DNAH5: variants seen among roughly 807,000 people sequenced by gnomAD.
DNAH5 encodes axonemal beta dynein heavy chain 5.
In DNAH5, 372 loss-of-function variants were observed where a neutral mutation model predicts 518.2. The observed-to-expected ratio is 0.72, with a 90% CI of 0.66 to 0.78. DNAH5 has a LOEUF of 0.78. DNAH5 is among the 30% of genes least tolerant of loss of function. The pLI is 0.00. For synonymous variants in DNAH5, 2,039 were observed against 2,025.9 expected (o/e 1.01, Z -0.17); for missense variants, 5,523 against 5,687.0 (o/e 0.97, Z 0.93).
intron 65 of DNAH5, among the ~76,000 whole-genome samples, chr5:13,744,274 T>TA (rs201565911): frequency 4.2e-4 from 62 of 148,264 alleles, no homozygotes; most frequent in Middle Eastern, 3.5e-3. Context: ...ATATGTAAGC[T>TA]AAAAAAAAAA....
intron 65 of DNAH5, among the ~76,000 whole-genome samples, chr5:13,740,876 C>T (rs774126446): frequency 7.9e-5 from 12 of 152,270 alleles, no homozygotes; most frequent in South Asian, 6.2e-4. Flanking sequence ...CCTTTTATGG[C>T]ATTTACCACC....
intron 3 of DNAH5, among the ~76,000 whole-genome samples, chr5:13,927,376 C>T (rs889913818): frequency 6.6e-6 from 1 of 152,086 alleles, no homozygotes; most frequent in African/African-American, 2.4e-5. Flanking sequence ...CCTGTAGTCC[C>T]AGCTACAGGC....
Position 13,817,612 on chromosome 5 carries a change from G to T in DNAH5, c.6924C>A (p.Ala2308=). ...APQMFGRLDV[A]TNDWTDGIFS... ...ATATCCCATCAGTCCAGTCATTTGT[G>T]GCAACGTCCAGCCGACCAAACATCT... The change falls in exon 42 of 79, where the codon GCC becomes GCA. Residue 2308 remains alanine (A), a synonymous_variant. Coordinates refer to ENST00000265104, the MANE Select transcript of DNAH5 (RefSeq NM_001369.3). The T allele has an allele frequency of 6.2e-7, 1 of 1,614,136 alleles. No individual in the cohort carries two copies.
intron 78 of DNAH5, among the ~76,000 whole-genome samples, chr5:13,694,673 T>C (rs1741129616): frequency 6.6e-6 from 1 of 152,222 alleles, no homozygotes; most frequent in African/African-American, 2.4e-5. Flanking sequence ...ATACATTCCA[T>C]ATATTCCTTC....
chr5:13,917,847 T>C (rs971310563), intron 7 of DNAH5, among the ~76,000 whole-genome samples: 18 of 152,218 alleles, frequency 1.2e-4, no homozygotes, highest in Admixed American at 1.1e-3. Context: ...TGCTATTTCT[T>C]TGAGGAATAA....
chr5:13,827,860 G>A (rs2053684), intron 38 of DNAH5, among the ~76,000 whole-genome samples: 19 of 152,124 alleles, frequency 1.2e-4, no homozygotes, highest in African/African-American at 2.2e-4. Flanking sequence ...GAGATCTGAC[G>A]GTTTTATAAG....
Position 13,839,510 on chromosome 5 carries a change from T to C in DNAH5, c.5728A>G (p.Ser1910Gly). The C allele has an allele frequency of 6.2e-7, 1 of 1,613,944 alleles. No individual in the cohort carries two copies. Among genetic ancestry groups the C allele is most frequent in the Non-Finnish European group, 8.5e-7 (1 of 1,179,884 alleles). ...TTCAGCCACTCAAAGTCCATGGGAC[T>C]CTTGATATGCATATGACACTGAAAT... ...FDDLCHMHIK[S>G]PMDFEWLKQC... Residue 1910 changes from serine to glycine, a missense_variant, in exon 35 of 79, where the codon AGT (serine) becomes GGT (glycine). Ser to Gly is a moderately conservative substitution (Grantham distance 56). Transcript: ENST00000265104.
At chr5:13,719,185 T>C in intron 71 of DNAH5, 84 bp from the exon 72 acceptor site, 2 of 1,101,872 alleles carry the variant, frequency 1.8e-6, no homozygotes, top group Non-Finnish European at 2.7e-6. Context: ...AATTAAGTAA[T>C]TAAAATTTAA....
chr5:13,893,038 T>A (rs1043024554), intron 16 of DNAH5, among the ~76,000 whole-genome samples: 8 of 152,132 alleles, frequency 5.3e-5, no homozygotes, highest in Non-Finnish European at 8.8e-5. Flanking sequence ...CTCACTCTAC[T>A]CCCCTCCAAC....
intron 1 of DNAH5, among the ~76,000 whole-genome samples, chr5:13,960,010 C>T (rs773482999): frequency 2.1e-4 from 32 of 151,844 alleles, no homozygotes; most frequent in Admixed American, 6.6e-4. Flanking sequence ...GAAAAACACC[C>T]CCAGAACTGG....
rs772513153 is a variant in DNAH5 at position 13,811,663 on chromosome 5, C to T, written c.7391G>A (p.Gly2464Asp). The change falls in exon 44 of 79, where the codon GGC (glycine) becomes GAC (aspartate). Residue 2464 changes from glycine to aspartate, a missense_variant. This residue lies in a region of DNAH5 where 5,121 missense variants were observed against 5,223.3 expected (regional missense o/e 0.98). Coordinates refer to ENST00000265104, the MANE Select transcript of DNAH5 (RefSeq NM_001369.3). Reference protein sequence around the residue: ...VITQSINMLQGLIPLKEQGGE... With the variant: ...VITQSINMLQDLIPLKEQGGE... Reference sequence around the variant, plus strand: ...GCAATTTACCTTCAGAGGAATCAGGCCTTGAAGCATGTTAATGCTCTGTGT... The same window carrying T: ...GCAATTTACCTTCAGAGGAATCAGGTCTTGAAGCATGTTAATGCTCTGTGT... 1.2e-6 allele frequency: 2 copies of T among 1,614,102 alleles called. No homozygotes were observed. Among genetic ancestry groups the T allele is most frequent in the South Asian group, 2.2e-5 (2 of 91,072 alleles).
intron 47 of DNAH5, among the ~76,000 whole-genome samples, chr5:13,803,912 T>C (rs1361463377): frequency 6.6e-6 from 1 of 152,222 alleles, no homozygotes. Context: ...CTAGGAGTCT[T>C]ATTTTTTAAA....
At chr5:13,735,540 G>A (rs562536132) in intron 67 of DNAH5, among the ~76,000 whole-genome samples, 2 of 152,210 alleles carry the variant, frequency 1.3e-5, no homozygotes, top group East Asian at 3.9e-4. Context: ...TACCTGCAGG[G>A]CATCATCACT....
At chr5:14,003,398 G>A in intron 1 of DNAH5, among the ~76,000 whole-genome samples, 1 of 152,140 alleles carries the variant, frequency 6.6e-6, no homozygotes, top group East Asian at 1.9e-4. Flanking sequence ...CTTATAATGT[G>A]AGCAGTACTT....
chr5:13,835,175 C>T (rs1310440827), intron 35 of DNAH5, among the ~76,000 whole-genome samples: 6 of 152,012 alleles, frequency 3.9e-5, no homozygotes, highest in African/African-American at 1.2e-4. Context: ...GTCCCAGCTA[C>T]TCAGGAGGCT....
intron 23 of DNAH5, 41 bp downstream of exon 23, chr5:13,871,523 A>G: frequency 6.6e-7 from 1 of 1,520,716 alleles, no homozygotes; most frequent in Non-Finnish European, 9.1e-7. Context: ...CAGAACAATA[A>G]TGGCTAATTT....
Position 13,776,650 on chromosome 5 carries a change from T to A in DNAH5, c.9162A>T (p.Ser3054=). The change falls in exon 55 of 79, where the codon TCA becomes TCT. Residue 3054 remains serine, a synonymous_variant. Coordinates refer to ENST00000265104, the MANE Select transcript of DNAH5 (RefSeq NM_001369.3). ...EIDEINSDLA[S]VMKKEFPRCL... ...ACCTGGGGAATTCTTTTTTCATGACTGATGCCAGGTCGCTATTAATTTCAT... is the reference window on the plus strand; with the variant it reads ...ACCTGGGGAATTCTTTTTTCATGACAGATGCCAGGTCGCTATTAATTTCAT... 6.2e-7 allele frequency: 1 copy of A among 1,613,900 alleles called. No homozygotes were observed.
In DNAH5 at chr5:13,762,150, A is replaced by C. The variant is rs570449120; in HGVS notation, c.10281+572T>G. On this transcript the variant is annotated intron_variant, in intron 60 of 78. Coordinates refer to ENST00000265104, the MANE Select transcript of DNAH5 (RefSeq NM_001369.3). The stretch of plus-strand genomic sequence containing the variant: ...TTTAATGGTAGAGGAATATGCAAAA[A>C]TGAAGCTTAAGGATTCAATTACACA... 2.6e-5 allele frequency among the ~76,000 whole-genome samples: 4 copies of C among 152,354 alleles called. No homozygotes were observed. The East Asian group carries it at 7.7e-4, about 29-fold the overall frequency.
rs370101876 is a variant in DNAH5 at position 13,727,495 on chromosome 5, T to C, written c.12033+12A>G. 2.5e-6 allele frequency: 4 copies of C among 1,609,016 alleles called. No homozygotes were observed. Among genetic ancestry groups the C allele is most frequent in the Non-Finnish European group, 3.4e-6 (4 of 1,176,886 alleles). On this transcript the variant is annotated intron_variant, in intron 70 of 78. Coordinates refer to ENST00000265104, the MANE Select transcript of DNAH5 (RefSeq NM_001369.3). Reference sequence around the variant, plus strand: ...TATTCTCTCATTTTTCTCTTTAATATGGACTTTTTACCTGGGCGATGGTTC... The same window carrying C: ...TATTCTCTCATTTTTCTCTTTAATACGGACTTTTTACCTGGGCGATGGTTC...
Sources: gnomAD v4.1 joint callset for allele counts (sites outside exome capture counted in the v4.1 genomes callset) on GRCh38, gnomAD v4.1.1 for gene constraint, gnomAD v4.1.1 regional missense constraint, MANE v1.5 for transcripts, NCBI Gene and HGNC (gene_info 2026-07-23, HGNC 2026-07-21) for gene names.